DZANK1: variants seen among roughly 807,000 people sequenced by gnomAD.
DZANK1 encodes double zinc ribbon and ankyrin repeat-containing protein 1.
Under a neutral mutation model 94.5 loss-of-function variants are expected in DZANK1, and 91 were observed. That is an observed-to-expected ratio of 0.96 (90% CI 0.81 to 1.15). The LOEUF (loss-of-function observed/expected upper bound fraction) is 1.15, where lower values mean the gene tolerates loss of function less well. Ranked by LOEUF, DZANK1 falls within the 50% of genes most tolerant of loss-of-function variation. The probability of loss-of-function intolerance (pLI) is 0.00; values close to 1 mark genes in which losing one functional copy is unlikely to be tolerated. For missense variants in DZANK1, 903 were observed against 916.4 expected (o/e 0.99, Z 0.19); for synonymous variants, 312 against 325.3 (o/e 0.96, Z 0.44).
intron 8 of DZANK1, among the ~76,000 whole-genome samples, chr20:18,434,428 C>T (rs934733154): frequency 7.9e-5 from 12 of 151,486 alleles, no homozygotes; most frequent in African/African-American, 2.9e-4. Context: ...GCCTATAATC[C>T]CAGCTACTTG....
At chr20:18,383,608 G>A (rs2148081523) in exon 21 of DZANK1, 1 of 152,274 alleles carries the variant, frequency 6.6e-6, no homozygotes, top group Middle Eastern at 3.4e-3. Context: ...CTACAGACAT[G>A]TTTATATGCT....
At chr20:18,434,614 AC>A (rs2058443688) in intron 8 of DZANK1, among the ~76,000 whole-genome samples, 1 of 151,560 alleles carries the variant, frequency 6.6e-6, no homozygotes, top group Non-Finnish European at 1.5e-5. Flanking sequence ...CCACTTCAGC[AC>A]CCTGAAGTCA....
rs141204462 is a variant in DZANK1, at chr20:18,458,835, T to C, written c.263+1318A>G. On this transcript the variant is annotated intron_variant, in intron 3 of 20. Coordinates refer to ENST00000262547, the Ensembl canonical transcript of DZANK1. ...TTCTACCCCCTAAGATCCAGGTTGT[T>C]TCCCCCACCCCAGCTGGCCCTTCCT... 4.8e-3 allele frequency among the ~76,000 whole-genome samples: 732 copies of C among 152,304 alleles called. 5 individuals are homozygous for C. The highest frequency in any genetic ancestry group is 0.017 in the African/African-American group (687 of 41,568).
At chr20:18,452,476 C>T (rs553048530) in intron 6 of DZANK1, 139 bp downstream of exon 6, 1 of 1,001,896 alleles carries the variant, frequency 1.0e-6, no homozygotes, top group Non-Finnish European at 1.4e-6. Context: ...CTTTTCTTGT[C>T]CAGTACAGTA....
chr20:18,455,818 C>T (rs779486202), intron 3 of DZANK1, among the ~76,000 whole-genome samples: 1 of 151,670 alleles, frequency 6.6e-6, no homozygotes, highest in Admixed American at 6.5e-5. Flanking sequence ...CTCTCTCTCT[C>T]ATGTGGTTAG....
At chr20:18,386,277 G>A (rs1004721509) in intron 19 of DZANK1, among the ~76,000 whole-genome samples, 1 of 152,184 alleles carries the variant, frequency 6.6e-6, no homozygotes, top group Non-Finnish European at 1.5e-5. Context: ...TACCCAGAAA[G>A]CCTCCTGGTT....
At chr20:18,419,514 A>G (rs577665171) in intron 10 of DZANK1, among the ~76,000 whole-genome samples, 1 of 152,326 alleles carries the variant, frequency 6.6e-6, no homozygotes, top group South Asian at 2.1e-4. Context: ...AACCAACAAT[A>G]AAGAGCAAAT....
rs757938484 is a variant in DZANK1, at chr20:18,427,119, G to A, written c.902C>T (p.Ala301Val). 10 of 1,613,136 alleles carry A rather than the reference G, an allele frequency of 6.2e-6. No individual in the cohort carries two copies. In the East Asian group the frequency reaches 2.2e-4, roughly 36 times the overall value. ...ACAGGTGACACAGTATCTCAGGTGA[G>A]CAGGATTTCCTGTACCACAGGCCCG... Residue 301 changes from alanine (A) to valine (V), a missense_variant, in exon 10 of 21, where the codon GCT (alanine) becomes GTT (valine). Ala to Val is a moderately conservative substitution (Grantham distance 64). Transcript: ENST00000262547.
chr20:18,466,115 CA>C (rs1040500703), intron 1 of DZANK1, among the ~76,000 whole-genome samples: 7 of 152,098 alleles, frequency 4.6e-5, no homozygotes, highest in African/African-American at 9.7e-5. Flanking sequence ...CAGAAGGTTT[CA>C]GGGGGAAAAA....
chr20:18,396,504 T>G (rs1458259939), exon 15 of DZANK1: 29 of 1,613,568 alleles, frequency 1.8e-5, no homozygotes, highest in Non-Finnish European at 2.5e-5. Context: ...TTCAGTCTGA[T>G]GCTAACTTCA....
chr20:18,436,638 G>C (rs2058537646), intron 8 of DZANK1, among the ~76,000 whole-genome samples: 1 of 152,086 alleles, frequency 6.6e-6, no homozygotes, highest in Admixed American at 6.5e-5. Flanking sequence ...AAGGGAAAGA[G>C]AGAAAGGAAC....
At chr20:18,452,867 C>A in intron 5 of DZANK1, 128 bp from the exon 6 acceptor site, 1 of 972,426 alleles carries the variant, frequency 1.0e-6, no homozygotes, top group Non-Finnish European at 1.5e-6. Flanking sequence ...CTAGAAGTAA[C>A]AATTATATAA....
At chr20:18,434,964 A>G (rs2058459950) in intron 8 of DZANK1, among the ~76,000 whole-genome samples, 1 of 152,186 alleles carries the variant, frequency 6.6e-6, no homozygotes, top group Admixed American at 6.5e-5. Flanking sequence ...CCAGGAGGTA[A>G]TTCAATGATA....
At chr20:18,425,345 G>A (rs577898779) in intron 10 of DZANK1, among the ~76,000 whole-genome samples, 14 of 152,282 alleles carry the variant, frequency 9.2e-5, no homozygotes, top group South Asian at 8.3e-4. Flanking sequence ...GAGGTCAGGC[G>A]TTTGAGACTA....
chr20:18,449,210 G>A, intron 6 of DZANK1, 141 bp from the exon 7 acceptor site: 1 of 684,338 alleles, frequency 1.5e-6, no homozygotes, highest in Non-Finnish European at 2.4e-6. Context: ...AGACACTATA[G>A]ACTCTAAAAG....
intron 3 of DZANK1, among the ~76,000 whole-genome samples, chr20:18,459,810 C>T (rs1402049545): frequency 6.6e-6 from 1 of 152,090 alleles, no homozygotes; most frequent in Non-Finnish European, 1.5e-5. Flanking sequence ...AGAGCCACTC[C>T]GCGAACACAG....
rs933925862 is a variant in DZANK1 at position 18,455,209 on chromosome 20, C to T, written c.378+38G>A. On this transcript the variant is annotated intron_variant, in intron 4 of 20. Transcript: ENST00000262547. ...CACTGAGAAAGAAGGAACCAAAATA[C>T]AGTGACAATCTGAATGGATTATAGT... 7.3e-6 allele frequency: 11 copies of T among 1,504,026 alleles called. No homozygotes were observed. In the African/African-American group the frequency reaches 8.3e-5, roughly 11 times the overall value. The allele number at this position is 1,504,026 out of a possible 1,614,324, so 93.2% of individuals were successfully genotyped here.
At chr20:18,398,174 A>G (rs142465179) in intron 14 of DZANK1, among the ~76,000 whole-genome samples, 38 of 152,272 alleles carry the variant, frequency 2.5e-4, no homozygotes, top group African/African-American at 9.1e-4. Flanking sequence ...TTATGTCACT[A>G]TTGCTATATA....
At chr20:18,449,177 A>C in intron 6 of DZANK1, 108 bp from the exon 7 acceptor site, 1 of 875,814 alleles carries the variant, frequency 1.1e-6, no homozygotes, top group Non-Finnish European at 1.8e-6. Context: ...GTGAATACAC[A>C]TAGACATATA....
Sources: allele counts gnomAD v4.1 joint callset (sites outside exome capture counted in the v4.1 genomes callset), GRCh38; gene constraint gnomAD v4.1.1; transcripts MANE v1.5; gene names NCBI Gene and HGNC (gene_info 2026-07-23, HGNC 2026-07-21).